PALS2: variants seen among roughly 807,000 people sequenced by gnomAD.
PALS2 encodes protein associated with LIN7 2, MAGUK p55 family member, also known as protein PALS2.
In PALS2, 27 loss-of-function variants were observed where a neutral mutation model predicts 61.6. That is an observed-to-expected ratio of 0.44 (90% CI 0.32 to 0.60). The LOEUF is 0.60. Among genes scored for constraint, PALS2 ranks in the 20% least tolerant of loss-of-function variants. The pLI is 0.05. For synonymous variants in PALS2, 236 were observed against 218.6 expected, an observed-to-expected ratio of 1.08 and a Z score of -0.70; for missense variants, 554 against 639.4, an observed-to-expected ratio of 0.87 and a Z score of 1.44.
intron 1 of PALS2, among the ~76,000 whole-genome samples, chr7:24,577,048 T>C (rs1169219434): frequency 6.6e-6 from 1 of 152,192 alleles, no homozygotes; most frequent in Non-Finnish European, 1.5e-5. Context: ...AAACAGAGGC[T>C]GCTACGTTTA....
At chr7:24,612,933 TC>T (rs1258671013) in intron 1 of PALS2, among the ~76,000 whole-genome samples, 2 of 151,836 alleles carry the variant, frequency 1.3e-5, no homozygotes, top group African/African-American at 2.4e-5. Context: ...ATGTGATGCT[TC>T]CTATAGAACC....
intron 5 of PALS2, among the ~76,000 whole-genome samples, chr7:24,661,212 A>G (rs943280273): frequency 2.0e-5 from 3 of 152,292 alleles, no homozygotes; most frequent in Non-Finnish European, 2.9e-5. Context: ...AGTCATTACA[A>G]AATGGTTAGA....
At chr7:24,684,267 CTT>C (rs1430990111) in intron 11 of PALS2, among the ~76,000 whole-genome samples, 2 of 152,036 alleles carry the variant, frequency 1.3e-5, no homozygotes, top group East Asian at 1.9e-4. Flanking sequence ...ACCCAGCTAA[CTT>C]TTGTATTTTT....
At chr7:24,580,037 C>T (rs1319429939) in intron 1 of PALS2, among the ~76,000 whole-genome samples, 1 of 151,780 alleles carries the variant, frequency 6.6e-6, no homozygotes, top group Non-Finnish European at 1.5e-5. Flanking sequence ...AGACTGGGGG[C>T]CATATGCTTA....
intron 3 of PALS2, 31 bp from the exon 4 acceptor site, chr7:24,649,581 A>G (rs926715208): frequency 2.7e-6 from 4 of 1,504,318 alleles, no homozygotes; most frequent in Non-Finnish European, 3.5e-6. Flanking sequence ...ACATATCATA[A>G]ATAACCACAG....
intron 9 of PALS2, among the ~76,000 whole-genome samples, chr7:24,672,552 A>T (rs1387176659): frequency 6.6e-6 from 1 of 152,044 alleles, no homozygotes; most frequent in African/African-American, 2.4e-5. Context: ...ATGAGCATAG[A>T]TGTCTCTCTG....
intron 5 of PALS2, among the ~76,000 whole-genome samples, chr7:24,658,196 A>G (rs960061773): frequency 6.6e-6 from 1 of 152,158 alleles, no homozygotes; most frequent in African/African-American, 2.4e-5. Context: ...TGCAATGTCT[A>G]ATCTGCTATT....
chr7:24,595,525 A>ATATTTTTAATATATATAATATATAAT (rs1445663208), intron 1 of PALS2, among the ~76,000 whole-genome samples: 3 of 132,504 alleles, frequency 2.3e-5, no homozygotes, highest in African/African-American at 8.7e-5. Context: ...TAATATATAT[A>ATATTTTTAATATATATAATATATAAT]ATATATAATA....
Position 24,619,244 on chromosome 7 carries a change from CCT to C in PALS2, c.-2-4417_-2-4416del, listed in dbSNP as rs538404092. ...TAATCTTTGTTTTTGTTTTTGTTTT[CCT>C]CTCTTTTTATTTGGTAGTAATTCTG... On this transcript the variant is annotated intron_variant, in intron 1 of 11. Coordinates refer to ENST00000222644, the MANE Select transcript of PALS2 (RefSeq NM_001303037.2). Among the ~76,000 whole-genome samples the C allele has an allele frequency of 2.1e-3, 316 of 151,850 alleles. 1 individual carries two copies. The highest frequency in any genetic ancestry group is 3.8e-3 in the Non-Finnish European group (259 of 67,926).
chr7:24,652,701 G>C (rs920527494), intron 5 of PALS2, among the ~76,000 whole-genome samples: 1 of 152,140 alleles, frequency 6.6e-6, no homozygotes, highest in Admixed American at 6.6e-5. Context: ...AGGGAAGCAA[G>C]GGCATTTTGC....
At chr7:24,607,673 A>G (rs1233830080) in intron 1 of PALS2, among the ~76,000 whole-genome samples, 1 of 151,732 alleles carries the variant, frequency 6.6e-6, no homozygotes, top group Non-Finnish European at 1.5e-5. Context: ...ACACACACAT[A>G]TACATATGTG....
intron 1 of PALS2, among the ~76,000 whole-genome samples, chr7:24,583,020 G>C (rs888658969): frequency 6.7e-6 from 1 of 148,986 alleles, no homozygotes; most frequent in Non-Finnish European, 1.5e-5. Context: ...TCAGCTTCCT[G>C]AGTGGCTGGG....
chr7:24,687,848 A>T lies in PALS2; in HGVS notation c.*234A>T. On this transcript the variant is annotated 3_prime_UTR_variant, in exon 12 of 12. Coordinates refer to ENST00000222644, the MANE Select transcript of PALS2 (RefSeq NM_001303037.2). The surrounding 1 kb of genome is among the most constrained non-coding windows in gnomAD (Gnocchi z 4.5). ...CTAACTTTGTATGGATAATCTTTCTATTCATATCACATAAAGAAATGCGTT... is the reference window on the plus strand; with the variant it reads ...CTAACTTTGTATGGATAATCTTTCTTTTCATATCACATAAAGAAATGCGTT... 2.9e-6 allele frequency: 1 copy of T among 343,158 alleles called. No individual in the cohort carries two copies. The highest frequency in any genetic ancestry group is 4.9e-5 in the East Asian group (1 of 20,598). The allele number at this position is 343,158 out of a possible 1,614,324, so 21.3% of individuals were successfully genotyped here.
Position 24,623,596 on chromosome 7 carries a change from C to T in PALS2, c.-2-70C>T, listed in dbSNP as rs192651322. 8.5e-5 allele frequency: 75 copies of T among 880,292 alleles called. 1 individual carries two copies. In the East Asian group the frequency reaches 1.5e-3, roughly 17 times the overall value. The allele number at this position is 880,292 out of a possible 1,614,324, so 54.5% of individuals were successfully genotyped here. On this transcript the variant is annotated intron_variant, in intron 1 of 11. Transcript: ENST00000222644. ...TTATTAAAATAATCTTACTCCATAA[C>T]GGCTTGAAATTTAAGGGTTTTTGTT...
At chr7:24,616,404 A>C (rs1784294947) in intron 1 of PALS2, among the ~76,000 whole-genome samples, 1 of 152,156 alleles carries the variant, frequency 6.6e-6, no homozygotes, top group African/African-American at 2.4e-5. Context: ...TACAAACAAC[A>C]CACATTAAAA....
chr7:24,588,192 G>C (rs1036419305), intron 1 of PALS2, among the ~76,000 whole-genome samples: 2 of 152,126 alleles, frequency 1.3e-5, no homozygotes, highest in East Asian at 3.9e-4. Flanking sequence ...CATGTTTGGA[G>C]ACATAGGTCA....
At chr7:24,581,855 G>A (rs1782858463) in intron 1 of PALS2, among the ~76,000 whole-genome samples, 1 of 152,142 alleles carries the variant, frequency 6.6e-6, no homozygotes, top group Non-Finnish European at 1.5e-5. Flanking sequence ...CAGAACGGGT[G>A]GTAGTTTTGG....
intron 2 of PALS2, among the ~76,000 whole-genome samples, chr7:24,639,814 A>ATTTTTTTTTTTT (rs61073575): frequency 4.2e-5 from 4 of 96,254 alleles, no homozygotes; most frequent in African/African-American, 1.4e-4. Flanking sequence ...TTCTAGTCTA[A>ATTTTTTTTTTTT]TTTTTTTTTT....
At position 24,689,221 on chromosome 7, in the gene PALS2, C is replaced by T. The variant is rs1291081732; in HGVS notation, c.*1607C>T. 12 of 152,172 alleles carry T rather than the reference C, an allele frequency of 7.9e-5. No individual in the cohort carries two copies. The highest frequency in any genetic ancestry group is 1.5e-4 in the Non-Finnish European group (10 of 68,034). The allele number at this position is 152,172 out of a possible 1,614,324, so 9.4% of individuals were successfully genotyped here. On this transcript the variant is annotated 3_prime_UTR_variant, in exon 12 of 12. Coordinates refer to ENST00000222644, the MANE Select transcript of PALS2 (RefSeq NM_001303037.2). ...TCAGTTAATATCTTCCTTTAGGATT[C>T]TTGGATAATAGAAATTCTTCCTAAA...
Sources: allele counts gnomAD v4.1 joint callset (sites outside exome capture counted in the v4.1 genomes callset), GRCh38; gene constraint gnomAD v4.1.1; non-coding constraint Gnocchi (gnomAD v3.1); transcripts MANE v1.5; gene names NCBI Gene and HGNC (gene_info 2026-07-23, HGNC 2026-07-21).